Variants in SH3RF3 observed in about 807,000 individuals in gnomAD.
The protein encoded by SH3RF3 is E3 ubiquitin-protein ligase SH3RF3.
In SH3RF3, 29 loss-of-function variants were observed where a neutral mutation model predicts 66.3. That is an observed-to-expected ratio of 0.44 (90% CI 0.33 to 0.60). The LOEUF (loss-of-function observed/expected upper bound fraction) is 0.60. Among genes scored for constraint, SH3RF3 ranks in the 20% least tolerant of loss-of-function variants. The pLI, the probability that SH3RF3 is intolerant of heterozygous loss-of-function variation, is 0.04. For missense variants in SH3RF3, 1,194 were observed against 1,190.9 expected (o/e 1.00, Z -0.04); for synonymous variants, 583 against 532.0 (o/e 1.10, Z -1.32).
intron 5 of SH3RF3, among the ~76,000 whole-genome samples, chr2:109,428,226 G>A (rs1677089654): frequency 6.6e-6 from 1 of 152,362 alleles, no homozygotes; most frequent in African/African-American, 2.4e-5. Context: ...TATTTTAGAA[G>A]ACGTATGAGC....
rs745668384 is a variant in SH3RF3, at chr2:109,261,908, G to T, written c.574-85766G>T. ...CTCTGCTGATACGAGACATGTTGAT[G>T]CATTCAGTGTGGTGTGTATTAAGAT... On this transcript the variant is annotated intron_variant, in intron 1 of 9. Coordinates refer to ENST00000309415, the MANE Select transcript of SH3RF3 (RefSeq NM_001099289.3). Among the ~76,000 whole-genome samples the T allele has an allele frequency of 4.6e-5, 7 of 151,928 alleles. No homozygotes were observed. The East Asian group carries it at 1.4e-3, about 29-fold the overall frequency.
intron 1 of SH3RF3, among the ~76,000 whole-genome samples, chr2:109,289,223 C>T (rs1003360874): frequency 3.9e-5 from 6 of 152,162 alleles, no homozygotes; most frequent in Non-Finnish European, 7.3e-5. Flanking sequence ...TTGGACTGCA[C>T]GCTCTATGTG....
At chr2:109,360,468 G>A (rs1683031699) in intron 2 of SH3RF3, among the ~76,000 whole-genome samples, 1 of 152,192 alleles carries the variant, frequency 6.6e-6, no homozygotes, top group Non-Finnish European at 1.5e-5. Flanking sequence ...TTCAGGTTGT[G>A]TGTATAAGGT....
intron 1 of SH3RF3, among the ~76,000 whole-genome samples, chr2:109,183,143 C>T (rs1417344364): frequency 6.6e-6 from 1 of 152,204 alleles, no homozygotes; most frequent in African/African-American, 2.4e-5. Context: ...CTGTCCAGCA[C>T]TGTCCAAAAC....
intron 1 of SH3RF3, among the ~76,000 whole-genome samples, chr2:109,250,956 T>C (rs1010120390): frequency 6.6e-6 from 1 of 152,084 alleles, no homozygotes; most frequent in Non-Finnish European, 1.5e-5. Flanking sequence ...TTTAGGCATA[T>C]ACATTGCATT....
At chr2:109,203,864 G>A (rs1390093824) in intron 1 of SH3RF3, among the ~76,000 whole-genome samples, 1 of 152,202 alleles carries the variant, frequency 6.6e-6, no homozygotes, top group Non-Finnish European at 1.5e-5. Context: ...CTACCCCTGG[G>A]CCCTTCTTGT....
At chr2:109,272,847 C>G (rs889599296) in intron 1 of SH3RF3, among the ~76,000 whole-genome samples, 1 of 152,168 alleles carries the variant, frequency 6.6e-6, no homozygotes, top group Admixed American at 6.5e-5. Context: ...GGTTCCCGGA[C>G]TGGTGTTCTG....
rs575765747 is a variant in SH3RF3 at position 109,240,763 on chromosome 2, TGTC to T, written c.574-106907_574-106905del. 1.7e-3 allele frequency among the ~76,000 whole-genome samples: 254 copies of T among 152,086 alleles called. 2 individuals are homozygous for T. Among genetic ancestry groups the T allele is most frequent in the African/African-American group, 5.8e-3 (242 of 41,514 alleles). On this transcript the variant is annotated intron_variant, in intron 1 of 9. Transcript: ENST00000309415. ...TTCTGAGCTTCTTCCTATTTCCTCC[TGTC>T]GTCCTTCTCCTCTCTAGACCCTGAG...
intron 3 of SH3RF3, among the ~76,000 whole-genome samples, chr2:109,398,329 G>A (rs1028208238): frequency 6.6e-6 from 1 of 152,170 alleles, no homozygotes; most frequent in African/African-American, 2.4e-5. Flanking sequence ...GGGGCGACAA[G>A]GTAGTGGCCC....
rs549758763 is a variant in SH3RF3, at chr2:109,387,947, A to G, written c.946-10643A>G. On this transcript the variant is annotated intron_variant, in intron 3 of 9. Coordinates refer to ENST00000309415, the MANE Select transcript of SH3RF3 (RefSeq NM_001099289.3). ...GCTCCCACACTGGCCCAGATTCCCA[A>G]CCATGCTGAGGCTCCCCACACCAAT... Among the ~76,000 whole-genome samples the G allele has an allele frequency of 3.9e-5, 6 of 151,950 alleles. No homozygotes were observed. In the South Asian group the frequency reaches 1.0e-3, roughly 26 times the overall value.
At chr2:109,384,623 G>A (rs1362418952) in intron 3 of SH3RF3, among the ~76,000 whole-genome samples, 2 of 152,124 alleles carry the variant, frequency 1.3e-5, no homozygotes, top group South Asian at 2.1e-4. Flanking sequence ...CTTCTCTGCC[G>A]AGTGCCCGCG....
At chr2:109,447,169 GAAAAGA>G (rs1330221744) in intron 7 of SH3RF3, among the ~76,000 whole-genome samples, 294 of 120,744 alleles carry the variant, frequency 2.4e-3, no homozygotes, top group African/African-American at 7.7e-3. Flanking sequence ...AAAAAAAAAA[GAAAAGA>G]AAAAGAAAAA....
At chr2:109,320,627 C>T (rs910776894) in intron 1 of SH3RF3, among the ~76,000 whole-genome samples, 5 of 152,222 alleles carry the variant, frequency 3.3e-5, no homozygotes, top group Non-Finnish European at 7.3e-5. Context: ...AAAATCAGTG[C>T]TGGATTCCAG....
At chr2:109,469,651 T>C (rs1166988114) in intron 8 of SH3RF3, among the ~76,000 whole-genome samples, 1 of 152,194 alleles carries the variant, frequency 6.6e-6, no homozygotes, top group Admixed American at 6.6e-5. Flanking sequence ...TCTTGTGTAC[T>C]TCTGATTAAG....
At chr2:109,321,897 C>T (rs1038730982) in intron 1 of SH3RF3, among the ~76,000 whole-genome samples, 1 of 152,178 alleles carries the variant, frequency 6.6e-6, no homozygotes, top group African/African-American at 2.4e-5. Flanking sequence ...CCAGTGTGGT[C>T]AGGACTTCAG....
intron 1 of SH3RF3, among the ~76,000 whole-genome samples, chr2:109,344,675 G>A (rs1405738679): frequency 2.0e-5 from 3 of 152,216 alleles, no homozygotes; most frequent in Non-Finnish European, 4.4e-5. Context: ...CAGTGGGAGT[G>A]GGAGGGTGCA....
chr2:109,356,971 G>C (rs1397672409), intron 2 of SH3RF3, among the ~76,000 whole-genome samples: 3 of 152,158 alleles, frequency 2.0e-5, no homozygotes, highest in Non-Finnish European at 4.4e-5. Context: ...CTGCAGCACA[G>C]ATGTCCTGTA....
chr2:109,443,698 A>G (rs984968951), intron 7 of SH3RF3, among the ~76,000 whole-genome samples: 1 of 152,234 alleles, frequency 6.6e-6, no homozygotes. Context: ...TTTAGAGGAC[A>G]TAACAGTTCT....
intron 1 of SH3RF3, among the ~76,000 whole-genome samples, chr2:109,307,449 T>G (rs1681624227): frequency 6.7e-6 from 1 of 150,082 alleles, no homozygotes; most frequent in Non-Finnish European, 1.5e-5. Context: ...ATACTTTAAG[T>G]TTTAGGGTAC....
Sources: allele counts gnomAD v4.1 joint callset (sites outside exome capture counted in the v4.1 genomes callset), GRCh38; gene constraint gnomAD v4.1.1; transcripts MANE v1.5; gene names NCBI Gene and HGNC (gene_info 2026-07-23, HGNC 2026-07-21).